PCDHA4: variants seen among roughly 807,000 people sequenced by gnomAD.
The protein encoded by PCDHA4 is protocadherin alpha 4.
Under a neutral mutation model 61.4 loss-of-function variants are expected in PCDHA4, and 49 were observed. That is an observed-to-expected ratio of 0.80 (90% CI 0.63 to 1.01). PCDHA4 has a LOEUF of 1.01. PCDHA4 is among the 50% of genes least tolerant of loss of function. PCDHA4 has a pLI of 0.00. For missense variants in PCDHA4, 1,254 were observed against 1,235.8 expected, an observed-to-expected ratio of 1.01 and a Z score of -0.22; for synonymous variants, 590 against 550.3, an observed-to-expected ratio of 1.07 and a Z score of -1.01.
intron 1 of PCDHA4, among the ~76,000 whole-genome samples, chr5:140,961,726 A>ACAAT (rs1470566144): frequency 1.4e-4 from 21 of 152,270 alleles, no homozygotes; most frequent in African/African-American, 4.8e-4. Flanking sequence ...GTGCTCATAA[A>ACAAT]CAATCACTTT....
chr5:140,969,680 G>A (rs2096353475), intron 1 of PCDHA4, among the ~76,000 whole-genome samples: 1 of 152,204 alleles, frequency 6.6e-6, no homozygotes, highest in African/African-American at 2.4e-5. Context: ...TGAGACTCAA[G>A]GAGAAATGGC....
intron 3 of PCDHA4, among the ~76,000 whole-genome samples, chr5:140,996,394 G>A (rs2097724789): frequency 6.6e-6 from 1 of 152,192 alleles, no homozygotes; most frequent in Non-Finnish European, 1.5e-5. Context: ...GCCTCATAGA[G>A]TTTCAGGTGG....
chr5:140,819,590 C>A (rs2150104684), intron 1 of PCDHA4, among the ~76,000 whole-genome samples: 1 of 152,176 alleles, frequency 6.6e-6, no homozygotes, highest in South Asian at 2.1e-4. Context: ...TTAAAATGTT[C>A]TTTTCCTGTG....
rs2098415057 is a variant in PCDHA4, at chr5:141,009,865, A to G, written c.2772A>G (p.Lys924=). ...AGGAGGAGACCAAGAAAAAGAAGAAAAAGAAGAAGGGTAACAAGACCCAGG... is the reference window on the plus strand; with the variant it reads ...AGGAGGAGACCAAGAAAAAGAAGAAGAAGAAGAAGGGTAACAAGACCCAGG... ...GKKEETKKKK[K]KKKGNKTQEK... The change falls in exon 4 of 4, where the codon AAA becomes AAG. Residue 924 remains lysine, a synonymous_variant. Transcript: ENST00000530339. The G allele has an allele frequency of 6.2e-7, 1 of 1,614,076 alleles. No homozygotes were observed.
chr5:140,961,887 G>GTT (rs35680913), intron 1 of PCDHA4, among the ~76,000 whole-genome samples: 78 of 143,932 alleles, frequency 5.4e-4, no homozygotes, highest in African/African-American at 1.2e-3. Flanking sequence ...ACTTACATCA[G>GTT]TTTTTTTTTT....
intron 1 of PCDHA4, among the ~76,000 whole-genome samples, chr5:140,924,969 A>C (rs781957377): frequency 5.3e-5 from 8 of 151,756 alleles, no homozygotes. Flanking sequence ...AGGTGAGTGC[A>C]GTGGCTCATG....
chr5:140,822,737 C>T lies in PCDHA4; in HGVS notation c.2385+13165C>T, dbSNP rs140652619. Reference sequence around the variant, plus strand: ...AACTCATATGAAATTAATATTGATGCCATGGATAAAAGTACATTCCCATTA... The same window carrying T: ...AACTCATATGAAATTAATATTGATGTCATGGATAAAAGTACATTCCCATTA... On this transcript the variant is annotated intron_variant, in intron 1 of 3. Transcript: ENST00000530339. The T allele has an allele frequency of 1.5e-5, 24 of 1,613,148 alleles. No homozygotes were observed. The highest frequency in any genetic ancestry group is 1.9e-5 in the Non-Finnish European group (22 of 1,179,124).
intron 1 of PCDHA4, chr5:140,857,944 G>T: frequency 6.3e-7 from 1 of 1,597,474 alleles, no homozygotes. Context: ...AGATCAGTAC[G>T]ACGCGCGCTC....
In PCDHA4 at chr5:141,011,725, TGCAA is replaced by T. The variant is rs1283017882; in HGVS notation, c.*1792_*1795del. 6.5e-6 allele frequency: 1 copy of T among 153,742 alleles called. No individual in the cohort carries two copies. The highest frequency in any genetic ancestry group is 1.5e-5 in the Non-Finnish European group (1 of 68,032). The allele number at this position is 153,742 out of a possible 1,614,324, so 9.5% of individuals were successfully genotyped here. ...ATACTGACAATATTCCATGAGGGTG[TGCAA>T]GCACAAATTTTACCAATCTGACCTC... On this transcript the variant is annotated 3_prime_UTR_variant, in exon 4 of 4. Coordinates refer to ENST00000530339, the MANE Select transcript of PCDHA4 (RefSeq NM_018907.4).
At chr5:140,841,586 C>A (rs1327577851) in intron 1 of PCDHA4, 4 of 1,614,026 alleles carry the variant, frequency 2.5e-6, no homozygotes, top group East Asian at 4.5e-5. Flanking sequence ...TGTGAATTCT[C>A]GGATCGACCG....
intron 1 of PCDHA4, chr5:140,851,016 A>T: frequency 7.0e-7 from 1 of 1,434,004 alleles, no homozygotes; most frequent in East Asian, 2.4e-5. Flanking sequence ...TTTTTTTCTG[A>T]TAAAGTAAAC....
At position 141,010,421 on chromosome 5, in the gene PCDHA4, A is replaced by T. The variant is rs1486731012; in HGVS notation, c.*484A>T. The T allele has an allele frequency of 8.7e-7, 1 of 1,148,142 alleles. No homozygotes were observed. Among genetic ancestry groups the T allele is most frequent in the Admixed American group, 2.9e-5 (1 of 34,726 alleles). The allele number at this position is 1,148,142 out of a possible 1,614,324, so 71.1% of individuals were successfully genotyped here. A position where few individuals can be genotyped will look rare whatever the true frequency, so the allele number is the denominator to read the frequency against. ...CAGCTTAGACTAATTGGTACAAGGAAGGCAAGAAAACAAAGACAAATAAAC... is the reference window on the plus strand; with the variant it reads ...CAGCTTAGACTAATTGGTACAAGGATGGCAAGAAAACAAAGACAAATAAAC... On this transcript the variant is annotated 3_prime_UTR_variant, in exon 4 of 4. Coordinates refer to ENST00000530339, the MANE Select transcript of PCDHA4 (RefSeq NM_018907.4).
chr5:140,938,904 C>A (rs1254151220), intron 1 of PCDHA4, among the ~76,000 whole-genome samples: 1 of 152,070 alleles, frequency 6.6e-6, no homozygotes, highest in Admixed American at 6.5e-5. Context: ...TGCGCACACA[C>A]ACACACGCAC....
chr5:140,988,827 G>A (rs1554250450), intron 3 of PCDHA4: 1 of 152,132 alleles, frequency 6.6e-6, no homozygotes, highest in African/African-American at 2.4e-5. Flanking sequence ...CCCAAACAGA[G>A]ATCACGTGTC....
intron 1 of PCDHA4, chr5:140,823,639 C>G (rs1207505503): frequency 6.2e-7 from 1 of 1,613,894 alleles, no homozygotes; most frequent in South Asian, 1.1e-5. Context: ...CATCCCGTTC[C>G]GCGTGGGGCT....
chr5:140,908,880 A>C (rs1342304863), intron 1 of PCDHA4, among the ~76,000 whole-genome samples: 1 of 152,204 alleles, frequency 6.6e-6, no homozygotes, highest in Non-Finnish European at 1.5e-5. Context: ...TCCAAAATCC[A>C]ATAGTCCCAA....
chr5:140,971,845 G>A (rs370364575), intron 1 of PCDHA4, among the ~76,000 whole-genome samples: 4 of 152,052 alleles, frequency 2.6e-5, no homozygotes, highest in Admixed American at 6.5e-5. Context: ...CAAGTCATGC[G>A]TTAAATATTT....
intron 3 of PCDHA4, among the ~76,000 whole-genome samples, chr5:141,001,004 T>C (rs2097982470): frequency 1.3e-5 from 2 of 152,368 alleles, no homozygotes; most frequent in South Asian, 4.1e-4. Flanking sequence ...TTTAAATATG[T>C]ATTTAGATAT....
intron 1 of PCDHA4, among the ~76,000 whole-genome samples, chr5:140,956,909 A>C (rs1395848380): frequency 2.0e-5 from 3 of 152,198 alleles, no homozygotes; most frequent in African/African-American, 7.2e-5. Context: ...TAAATGTATA[A>C]ACTTTAATCT....
Sources: gnomAD v4.1 joint callset for allele counts (sites outside exome capture counted in the v4.1 genomes callset) on GRCh38, gnomAD v4.1.1 for gene constraint, MANE v1.5 for transcripts, NCBI Gene and HGNC (gene_info 2026-07-23, HGNC 2026-07-21) for gene names.